Variants in GNAS-AS1 observed in about 807,000 individuals in gnomAD.
GNAS-AS1 encodes GNAS antisense RNA 1.
intron 2 of GNAS-AS1, among the ~76,000 whole-genome samples, chr20:58,848,297 A>G (rs1337337462): frequency 6.6e-6 from 1 of 152,000 alleles, no homozygotes; most frequent in Non-Finnish European, 1.5e-5. Context: ...GCAGCCCTAC[A>G]CTCCAGCACA....
At chr20:58,837,152 C>T (rs1326053418) in intron 4 of GNAS-AS1, among the ~76,000 whole-genome samples, 2 of 152,162 alleles carry the variant, frequency 1.3e-5, no homozygotes, top group Non-Finnish European at 2.9e-5. Flanking sequence ...CATTTACTAG[C>T]ACCCATATAT....
At chr20:58,839,167 G>A (rs1187484064) in intron 4 of GNAS-AS1, 2 of 398,386 alleles carry the variant, frequency 5.0e-6, no homozygotes, top group Non-Finnish European at 8.8e-6. Flanking sequence ...TCAACCGTGG[G>A]GGCCCTTGTT....
At chr20:58,830,533 T>C (rs1487855982) in intron 4 of GNAS-AS1, among the ~76,000 whole-genome samples, 1 of 412 alleles carries the variant, frequency 2.4e-3, no homozygotes, top group Admixed American at 0.029. Context: ...ACCACCATCA[T>C]ACCATCAGCA....
exon 1 of GNAS-AS1, chr20:58,850,690 T>A (rs1389486103): frequency 5.0e-6 from 2 of 398,920 alleles, no homozygotes; most frequent in Non-Finnish European, 8.8e-6. Context: ...CCCCGTTGGC[T>A]GGGTTAGCCT....
intron 4 of GNAS-AS1, among the ~76,000 whole-genome samples, chr20:58,838,525 C>T (rs1297124352): frequency 6.6e-6 from 1 of 152,130 alleles, no homozygotes; most frequent in Non-Finnish European, 1.5e-5. Context: ...TAATACAATA[C>T]TTTTGTTGTT....
chr20:58,830,458 C>T (rs1487597886), intron 4 of GNAS-AS1, among the ~76,000 whole-genome samples: 21 of 62,802 alleles, frequency 3.3e-4, no homozygotes, highest in Non-Finnish European at 4.7e-4. Context: ...ACCACCATCA[C>T]CACCACCACA....
intron 2 of GNAS-AS1, among the ~76,000 whole-genome samples, chr20:58,846,300 T>C (rs1255651507): frequency 6.6e-6 from 1 of 151,766 alleles, no homozygotes; most frequent in African/African-American, 2.4e-5. Context: ...GCTAAGGGGG[T>C]TAGAACCAGG....
intron 4 of GNAS-AS1, among the ~76,000 whole-genome samples, chr20:58,837,321 C>T (rs981717037): frequency 6.6e-6 from 1 of 152,124 alleles, no homozygotes; most frequent in African/African-American, 2.4e-5. Flanking sequence ...GACTCAGAAG[C>T]GGAGATGAGG....
At position 58,830,744 on chromosome 20, in the gene GNAS-AS1, C is replaced by A. The variant is rs2085563776; in HGVS notation, n.819+11193G>T. Among the ~76,000 whole-genome samples the A allele has an allele frequency of 1.1e-4, 17 of 150,452 alleles. 1 individual carries two copies. In the South Asian group the frequency reaches 3.5e-3, roughly 31 times the overall value. On this transcript the variant is annotated intron_variant and non_coding_transcript_variant, in intron 4 of 4. Coordinates refer to ENST00000424094, the Ensembl canonical transcript of GNAS-AS1. ...ACACCACCATCATAACCAGCACCAT[C>A]ACCGCCACCAGGCATAGTCACTGGT...
rs1327014177 is a variant in GNAS-AS1, at chr20:58,830,263, C to A, written n.820-11008G>T. ...CACCACCACCACCATCAACGCCACA[C>A]CATCACCACCACCGCCACACCACCA... On this transcript the variant is annotated intron_variant and non_coding_transcript_variant, in intron 4 of 4. Coordinates refer to ENST00000424094, the Ensembl canonical transcript of GNAS-AS1. Among the ~76,000 whole-genome samples, 8 of 145,850 alleles carry A rather than the reference C, an allele frequency of 5.5e-5. 1 individual carries two copies. Among genetic ancestry groups the A allele is most frequent in the East Asian group, 2.0e-4 (1 of 4,930 alleles).
chr20:58,828,112 C>T lies in GNAS-AS1; in HGVS notation n.820-8857G>A, dbSNP rs570013522. Among the ~76,000 whole-genome samples the T allele has an allele frequency of 1.2e-4, 18 of 152,304 alleles. No individual in the cohort carries two copies. In the South Asian group the frequency reaches 3.5e-3, roughly 30 times the overall value. The stretch of plus-strand genomic sequence containing the variant: ...GTAATAACTGGTGCTTTTGGAACAA[C>T]CAAGAGAAAAAGAGAGTGCCACCAA... On this transcript the variant is annotated intron_variant and non_coding_transcript_variant, in intron 4 of 4. Transcript: ENST00000424094.
At chr20:58,828,073 G>T (rs1279057823) in intron 4 of GNAS-AS1, among the ~76,000 whole-genome samples, 1 of 152,140 alleles carries the variant, frequency 6.6e-6, no homozygotes, top group East Asian at 1.9e-4. Flanking sequence ...TCCTATTTTA[G>T]GGGCCAATTT....
At position 58,841,687 on chromosome 20, in the gene GNAS-AS1, G is replaced by T. The variant is rs890115794; in HGVS notation, n.819+250C>A. 6.7e-6 allele frequency: 8 copies of T among 1,193,196 alleles called. No homozygotes were observed. The highest frequency in any genetic ancestry group is 8.3e-6 in the Non-Finnish European group (8 of 963,424). 73.9% of individuals were successfully genotyped at this position (1,193,196 alleles called of 1,614,324 possible). A position where few individuals can be genotyped will look rare whatever the true frequency, so the allele number is the denominator to read the frequency against. ...AGTACCTGGGGGAAAGGTAGAGGAGGTAAGGGGACCCTTGGGGATGCCCCT... is the reference window on the plus strand; with the variant it reads ...AGTACCTGGGGGAAAGGTAGAGGAGTTAAGGGGACCCTTGGGGATGCCCCT... On this transcript the variant is annotated intron_variant and non_coding_transcript_variant, in intron 4 of 4. Coordinates refer to ENST00000424094, the Ensembl canonical transcript of GNAS-AS1. The surrounding 1 kb of genome is among the most constrained non-coding windows in gnomAD (Gnocchi z 5.0).
At position 58,840,235 on chromosome 20, in the gene GNAS-AS1, C is replaced by T. The variant is rs747808766; in HGVS notation, n.819+1702G>A. On this transcript the variant is annotated intron_variant and non_coding_transcript_variant, in intron 4 of 4. Transcript: ENST00000424094. The surrounding 1 kb of genome is among the most constrained non-coding windows in gnomAD (Gnocchi z 6.0). Reference sequence around the variant, plus strand: ...TCTCCTGCTCCATCGCGCTCCTCCGCGCCCTTGCCACCTCCAACGCCCGTG... The same window carrying T: ...TCTCCTGCTCCATCGCGCTCCTCCGTGCCCTTGCCACCTCCAACGCCCGTG... The T allele has an allele frequency of 1.2e-6, 2 of 1,611,074 alleles. No individual in the cohort carries two copies. The highest frequency in any genetic ancestry group is 1.1e-5 in the South Asian group (1 of 91,054).
At position 58,841,840 on chromosome 20, in the gene GNAS-AS1, C is replaced by T. The variant is rs1473995939; in HGVS notation, n.819+97G>A. The stretch of plus-strand genomic sequence containing the variant: ...GACGTCCTGGGCTGTTTGCGCAGGA[C>T]CTCTGGAGGCCCTCGAGATCGTCGC... On this transcript the variant is annotated intron_variant and non_coding_transcript_variant, in intron 4 of 4. Transcript: ENST00000424094. The surrounding 1 kb of genome is among the most constrained non-coding windows in gnomAD (Gnocchi z 5.0). The T allele has an allele frequency of 8.1e-7, 1 of 1,230,862 alleles. No homozygotes were observed. Among genetic ancestry groups the T allele is most frequent in the African/African-American group, 1.6e-5 (1 of 64,430 alleles). 76.2% of individuals were successfully genotyped at this position (1,230,862 alleles called of 1,614,324 possible).
chr20:58,839,156 C>G (rs1038452437), intron 4 of GNAS-AS1: 8 of 398,412 alleles, frequency 2.0e-5, no homozygotes, highest in Non-Finnish European at 3.5e-5. Context: ...AAACTACTAC[C>G]TCAACCGTGG....
At position 58,841,667 on chromosome 20, in the gene GNAS-AS1, C is replaced by T. The variant is rs7363081; in HGVS notation, n.819+270G>A. On this transcript the variant is annotated intron_variant and non_coding_transcript_variant, in intron 4 of 4. Coordinates refer to ENST00000424094, the Ensembl canonical transcript of GNAS-AS1. This position sits in a 1 kb window ranked among gnomAD's most constrained non-coding sequence, Gnocchi z 5.0. Reference sequence around the variant, plus strand: ...GCGGCGGGCGGTTAGGGGAAAGTACCTGGGGGAAAGGTAGAGGAGGTAAGG... The same window carrying T: ...GCGGCGGGCGGTTAGGGGAAAGTACTTGGGGGAAAGGTAGAGGAGGTAAGG... The T allele has an allele frequency of 3.5e-6, 4 of 1,157,802 alleles. No homozygotes were observed. The highest frequency in any genetic ancestry group is 4.3e-6 in the Non-Finnish European group (4 of 940,612). 71.7% of individuals were successfully genotyped at this position (1,157,802 alleles called of 1,614,324 possible).
Position 58,841,542 on chromosome 20 carries a change from A to C in GNAS-AS1, n.819+395T>G. On this transcript the variant is annotated intron_variant and non_coding_transcript_variant, in intron 4 of 4. Coordinates refer to ENST00000424094, the Ensembl canonical transcript of GNAS-AS1. This position sits in a 1 kb window ranked among gnomAD's most constrained non-coding sequence, Gnocchi z 5.0. ...CCAGTGCCTCCAGCTGCCGTGCGCC[A>C]GCCTTGGCCGCCACAGCCCGCCTCC... 1 of 996,064 alleles carries C rather than the reference A, an allele frequency of 1.0e-6. No individual in the cohort carries two copies. Among genetic ancestry groups the C allele is most frequent in the Non-Finnish European group, 1.2e-6 (1 of 837,512 alleles). 61.7% of individuals were successfully genotyped at this position (996,064 alleles called of 1,614,324 possible). A position where few individuals can be genotyped will look rare whatever the true frequency, so the allele number is the denominator to read the frequency against.
chr20:58,831,402 C>T (rs962047272), intron 4 of GNAS-AS1, among the ~76,000 whole-genome samples: 7 of 152,110 alleles, frequency 4.6e-5, no homozygotes, highest in South Asian at 2.1e-4. Context: ...CATCAGCGGG[C>T]GCAGTGGCTC....
Sources: allele counts gnomAD v4.1 joint callset (sites outside exome capture counted in the v4.1 genomes callset), GRCh38; gene constraint gnomAD v4.1.1; non-coding constraint Gnocchi (gnomAD v3.1); transcripts MANE v1.5; gene names NCBI Gene and HGNC (gene_info 2026-07-23, HGNC 2026-07-21).